AFF2: variants seen among roughly 807,000 people sequenced by gnomAD.
AFF2 encodes AF4/FMR2 family member 2.
In AFF2, 14 loss-of-function variants were observed where a neutral mutation model predicts 76.9. That is an observed-to-expected ratio of 0.18 (90% CI 0.12 to 0.28). The LOEUF is 0.28. AFF2 is among the 10% of genes least tolerant of loss of function. The pLI, the probability that AFF2 is intolerant of heterozygous loss-of-function variation, is 1.00. For missense variants in AFF2, 868 were observed against 1,001.1 expected (o/e 0.87, Z 1.79); for synonymous variants, 398 against 366.7 (o/e 1.09, Z -0.98).
intron 1 of AFF2, among the ~76,000 whole-genome samples, chrX:148,605,769 G>A (rs1300615200): frequency 8.9e-6 from 1 of 112,015 alleles, no homozygotes; most frequent in African/African-American, 3.2e-5. Context: ...AACGGGTTAT[G>A]ATCCATAGAA....
intron 3 of AFF2, among the ~76,000 whole-genome samples, chrX:148,720,183 C>A (rs781808524): frequency 2.7e-5 from 3 of 110,921 alleles, no homozygotes; most frequent in East Asian, 2.9e-4. Context: ...CTGCTGAGTT[C>A]TGCTTTGAAG....
chrX:148,575,926 T>C (rs782052838), intron 1 of AFF2, among the ~76,000 whole-genome samples: 51 of 109,794 alleles, frequency 4.6e-4, no homozygotes, highest in Non-Finnish European at 8.7e-4. Context: ...AAATAGCATG[T>C]GGTGTGTTGT....
chrX:148,740,982 A>T (rs1281669565), intron 3 of AFF2, among the ~76,000 whole-genome samples: 1 of 112,155 alleles, frequency 8.9e-6, no homozygotes, highest in Non-Finnish European at 1.9e-5. Context: ...TTGTCTGCAC[A>T]GAGTCCTGTG....
At chrX:148,560,743 T>C (rs1328425725) in intron 1 of AFF2, among the ~76,000 whole-genome samples, 1 of 112,325 alleles carries the variant, frequency 8.9e-6, no homozygotes, top group Admixed American at 9.4e-5. Flanking sequence ...TTCTGAGCCA[T>C]ATTGAAGCCT....
rs368077947 is a variant in AFF2, at chrX:148,700,419, AGTGTGTGT to A, written c.1041+37687_1041+37694del. On this transcript the variant is annotated intron_variant, in intron 3 of 20. Coordinates refer to ENST00000370460, the MANE Select transcript of AFF2 (RefSeq NM_002025.4). The stretch of plus-strand genomic sequence containing the variant: ...ATCCAAAGGAAGGGAGTACTGTTGA[AGTGTGTGT>A]GTGTGTGTGTGTGTGTGTGTGTGTG... Among the ~76,000 whole-genome samples, 250 of 82,481 alleles carry A rather than the reference AGTGTGTGT, an allele frequency of 3.0e-3. 1 individual carries two copies. The highest frequency in any genetic ancestry group is 4.8e-3 in the Non-Finnish European group (205 of 43,027). The allele number at this position is 82,481 out of a possible 115,157, so 71.6% of individuals were successfully genotyped here. A position where few individuals can be genotyped will look rare whatever the true frequency, so the allele number is the denominator to read the frequency against.
chrX:148,871,085 G>T (rs782669967), intron 7 of AFF2, among the ~76,000 whole-genome samples: 1 of 111,222 alleles, frequency 9.0e-6, no homozygotes, highest in Non-Finnish European at 1.9e-5. Context: ...GCGGGTGGGG[G>T]GCAGTGATGA....
intron 3 of AFF2, among the ~76,000 whole-genome samples, chrX:148,735,511 C>T (rs1390411828): frequency 9.0e-6 from 1 of 111,599 alleles, no homozygotes; most frequent in Non-Finnish European, 1.9e-5. Context: ...CATCTTTTTT[C>T]CTGCTTATGT....
intron 1 of AFF2, among the ~76,000 whole-genome samples, chrX:148,501,651 G>T (rs1184542049): frequency 1.8e-5 from 2 of 113,460 alleles, no homozygotes; most frequent in Non-Finnish European, 3.7e-5. Context: ...GCGCTGCGCG[G>T]CGCGCACACC....
chrX:148,768,584 G>T (rs1371013871), intron 3 of AFF2, among the ~76,000 whole-genome samples: 1 of 111,271 alleles, frequency 9.0e-6, no homozygotes, highest in African/African-American at 3.3e-5. Flanking sequence ...ACACATATTT[G>T]CAAGTTAATG....
At chrX:148,592,150 G>A (rs1376474965) in intron 1 of AFF2, among the ~76,000 whole-genome samples, 1 of 111,887 alleles carries the variant, frequency 8.9e-6, no homozygotes, top group East Asian at 2.8e-4. Context: ...TTATGAAAAT[G>A]TGCTCAGGAG....
intron 3 of AFF2, among the ~76,000 whole-genome samples, chrX:148,787,217 G>A (rs1557269587): frequency 9.0e-6 from 1 of 111,425 alleles, no homozygotes; most frequent in Non-Finnish European, 1.9e-5. Flanking sequence ...CCTAGTCCGT[G>A]TGTAATGGAA....
At position 148,973,557 on chromosome X, in the gene AFF2, G is replaced by A; in HGVS notation, c.3354G>A (p.Leu1118=). The change falls in exon 16 of 21, where the codon CTG becomes CTA. Residue 1118 remains leucine (L), a synonymous_variant. Coordinates refer to ENST00000370460, the MANE Select transcript of AFF2 (RefSeq NM_002025.4). The stretch of plus-strand genomic sequence containing the variant: ...GCAATGCCATGGAACGCGACCCTCT[G>A]GAAGCAAAGTCCCCATACACCATGT... The part of the protein sequence containing the change: ...ECGNAMERDP[L]EAKSPYTMYS... 1 of 1,211,462 alleles carries A rather than the reference G, an allele frequency of 8.3e-7. No individual in the cohort carries two copies. Among genetic ancestry groups the A allele is most frequent in the Non-Finnish European group, 1.1e-6 (1 of 895,171 alleles).
chrX:148,863,147 A>G (rs1190234142), intron 7 of AFF2, among the ~76,000 whole-genome samples: 1 of 112,290 alleles, frequency 8.9e-6, no homozygotes, highest in Non-Finnish European at 1.9e-5. Flanking sequence ...TCTGGAATTA[A>G]CATTTTACTT....
intron 3 of AFF2, among the ~76,000 whole-genome samples, chrX:148,799,104 A>C (rs1407628962): frequency 8.9e-6 from 1 of 111,914 alleles, no homozygotes; most frequent in Non-Finnish European, 1.9e-5. Flanking sequence ...TTTTCTTGCC[A>C]ACAAGAAGTG....
intron 8 of AFF2, among the ~76,000 whole-genome samples, chrX:148,886,338 T>C (rs1412117356): frequency 1.8e-5 from 2 of 111,452 alleles, no homozygotes; most frequent in Non-Finnish European, 3.8e-5. Flanking sequence ...TTGGTGACTC[T>C]GGTGTGAGGC....
intron 3 of AFF2, among the ~76,000 whole-genome samples, chrX:148,783,363 A>T (rs953055244): frequency 2.3e-4 from 25 of 109,877 alleles, no homozygotes; most frequent in Non-Finnish European, 4.6e-4. Flanking sequence ...TTTTTTTTTT[A>T]TTTTTTTGAT....
chrX:148,870,885 G>C (rs1390781453), intron 7 of AFF2, among the ~76,000 whole-genome samples: 1 of 111,771 alleles, frequency 8.9e-6, no homozygotes, highest in Non-Finnish European at 1.9e-5. Context: ...ATCTCACAGG[G>C]ACAAGGCATC....
At chrX:148,773,961 A>G (rs2069636342) in intron 3 of AFF2, among the ~76,000 whole-genome samples, 1 of 111,487 alleles carries the variant, frequency 9.0e-6, no homozygotes, top group African/African-American at 3.3e-5. Flanking sequence ...AAGTTATTTC[A>G]TAGACATTCT....
rs139735567 is a variant in AFF2, at chrX:148,503,340, C to T, written c.47+2196C>T. Among the ~76,000 whole-genome samples the T allele has an allele frequency of 1.9e-3, 212 of 111,638 alleles. 2 individuals are homozygous for T. The East Asian group carries it at 0.044, about 23-fold the overall frequency. On this transcript the variant is annotated intron_variant, in intron 1 of 20. Transcript: ENST00000370460. ...CCTTTCCCACTTCTCTTTGGAAGTC[C>T]AGAGCATGCCAGTTACGTGTTCATT...
Sources: allele counts gnomAD v4.1 joint callset (sites outside exome capture counted in the v4.1 genomes callset), GRCh38; gene constraint gnomAD v4.1.1; transcripts MANE v1.5; gene names NCBI Gene and HGNC (gene_info 2026-07-23, HGNC 2026-07-21).